Variants in ATP8B1 observed in about 807,000 individuals in gnomAD.
ATP8B1 encodes phospholipid-transporting ATPase IC.
A neutral mutation model predicts 149.9 loss-of-function variants in ATP8B1; 80 were observed. The ratio of observed to expected loss-of-function variants is 0.53; its 90% CI spans 0.45 to 0.64. The LOEUF (loss-of-function observed/expected upper bound fraction) is 0.64, where lower values mean the gene tolerates loss of function less well. Among genes scored for constraint, ATP8B1 ranks in the 30% least tolerant of loss-of-function variants. The probability of loss-of-function intolerance (pLI) is 0.00; values close to 1 mark genes in which losing one functional copy is unlikely to be tolerated. For synonymous variants in ATP8B1, 536 were observed against 562.8 expected, an observed-to-expected ratio of 0.95 and a Z score of 0.67; for missense variants, 1,247 against 1,552.6, an observed-to-expected ratio of 0.80 and a Z score of 3.31.
In ATP8B1 at chr18:57,650,500, G is replaced by A. The variant is rs758496915; in HGVS notation, c.3401-3C>T. The A allele has an allele frequency of 1.9e-6, 3 of 1,612,802 alleles. No individual in the cohort carries two copies. Among genetic ancestry groups the A allele is most frequent in the Non-Finnish European group, 8.5e-7 (1 of 1,179,142 alleles). On this transcript the variant is annotated splice_region_variant and splice_polypyrimidine_tract_variant and intron_variant, in intron 26 of 27. Transcript: ENST00000648908. Reference sequence around the variant, plus strand: ...TCTCAGAGCGTTTGAAGCTGTGCCTGTAAAGAACATGGCAAATGCATCACT... The same window carrying A: ...TCTCAGAGCGTTTGAAGCTGTGCCTATAAAGAACATGGCAAATGCATCACT...
At chr18:57,748,960 T>C (rs2079990979) in intron 1 of ATP8B1, among the ~76,000 whole-genome samples, 1 of 152,214 alleles carries the variant, frequency 6.6e-6, no homozygotes, top group South Asian at 2.1e-4. Flanking sequence ...TAGTCTGATT[T>C]GCATTTAAGA....
chr18:57,701,830 G>C (rs1380478674), intron 4 of ATP8B1, among the ~76,000 whole-genome samples: 1 of 151,886 alleles, frequency 6.6e-6, no homozygotes, highest in Non-Finnish European at 1.5e-5. Context: ...TGAGTAGCTG[G>C]GATTACAGGT....
intron 1 of ATP8B1, among the ~76,000 whole-genome samples, chr18:57,788,907 C>T (rs972434699): frequency 6.6e-6 from 1 of 152,168 alleles, no homozygotes; most frequent in African/African-American, 2.4e-5. Flanking sequence ...AAAAATATCA[C>T]AACACAGCCC....
intron 1 of ATP8B1, among the ~76,000 whole-genome samples, chr18:57,753,984 A>AAT (rs2080051838): frequency 6.6e-6 from 1 of 151,122 alleles, no homozygotes; most frequent in African/African-American, 2.4e-5. Flanking sequence ...GATACATCTG[A>AAT]ATATTTAATA....
chr18:57,794,451 A>C (rs904930819), intron 1 of ATP8B1, among the ~76,000 whole-genome samples: 1 of 147,170 alleles, frequency 6.8e-6, no homozygotes, highest in Non-Finnish European at 1.5e-5. Flanking sequence ...AAGGGGAAAA[A>C]CAACCTGACA....
chr18:57,690,080 T>G (rs1051310498), intron 12 of ATP8B1, among the ~76,000 whole-genome samples: 5 of 151,908 alleles, frequency 3.3e-5, no homozygotes, highest in African/African-American at 1.2e-4. Context: ...TAAGGAGATA[T>G]GAAGATCTCC....
intron 15 of ATP8B1, among the ~76,000 whole-genome samples, chr18:57,683,354 G>A (rs991130880): frequency 1.3e-5 from 2 of 152,204 alleles, no homozygotes; most frequent in African/African-American, 4.8e-5. Flanking sequence ...TAAAGTGCAT[G>A]TGTGTCTATA....
At chr18:57,786,681 A>T (rs1203702804) in intron 1 of ATP8B1, among the ~76,000 whole-genome samples, 1 of 152,210 alleles carries the variant, frequency 6.6e-6, no homozygotes, top group African/African-American at 2.4e-5. Flanking sequence ...AAAGACAAGG[A>T]ATCAGGAAAT....
chr18:57,733,672 C>T (rs558423061), intron 1 of ATP8B1, among the ~76,000 whole-genome samples: 2 of 144,670 alleles, frequency 1.4e-5, no homozygotes, highest in South Asian at 2.2e-4. Context: ...CGCCACTGCA[C>T]TCCAGCCCGG....
intron 1 of ATP8B1, among the ~76,000 whole-genome samples, chr18:57,768,386 CAAAAAAAAAA>C (rs145660399): frequency 1.5e-5 from 1 of 68,178 alleles, no homozygotes; most frequent in Admixed American, 2.1e-4. Flanking sequence ...GACCCTGTCT[CAAAAAAAAAA>C]AAAAAAAAAA....
At chr18:57,774,360 G>A (rs1476539844) in intron 1 of ATP8B1, among the ~76,000 whole-genome samples, 1 of 152,224 alleles carries the variant, frequency 6.6e-6, no homozygotes, top group Admixed American at 6.5e-5. Context: ...CACTTTGGGA[G>A]GCCAAGGCAG....
At chr18:57,759,659 AAAG>A (rs1377471412) in intron 1 of ATP8B1, among the ~76,000 whole-genome samples, 1 of 151,828 alleles carries the variant, frequency 6.6e-6, no homozygotes, top group African/African-American at 2.4e-5. Flanking sequence ...AATAAAAAAA[AAAG>A]AATTAGCCGG....
chr18:57,736,156 T>C (rs2079852464), intron 1 of ATP8B1, among the ~76,000 whole-genome samples: 1 of 152,148 alleles, frequency 6.6e-6, no homozygotes, highest in Admixed American at 6.5e-5. Flanking sequence ...CACGATCTCA[T>C]TCTTTTTTAT....
In ATP8B1 at chr18:57,691,879, T is replaced by C; in HGVS notation, c.1148A>G (p.Tyr383Cys). Residue 383 changes from tyrosine to cysteine, a missense_variant, in exon 12 of 28, where the codon TAC (tyrosine) becomes TGC (cysteine). Tyr to Cys is a radical substitution (Grantham distance 194). Around this residue, in one of 3 missense-constraint regions of ATP8B1, gnomAD observed 853 missense variants for 1,035.7 expected, o/e 0.82. Coordinates refer to ENST00000648908, the MANE Select transcript of ATP8B1 (RefSeq NM_001374385.1). ...LYDGEDDTPSYRGFLIFWGYI... is the reference protein window; with the variant it reads ...LYDGEDDTPSCRGFLIFWGYI... Reference sequence around the variant, plus strand: ...GCCCCAGAAAATGAGGAATCCACGGTAGGAGGGTGTATCGTCTTCTCCATC... The same window carrying C: ...GCCCCAGAAAATGAGGAATCCACGGCAGGAGGGTGTATCGTCTTCTCCATC... The C allele has an allele frequency of 1.2e-6, 2 of 1,614,150 alleles. No individual in the cohort carries two copies. Among genetic ancestry groups the C allele is most frequent in the Non-Finnish European group, 1.7e-6 (2 of 1,180,022 alleles).
chr18:57,793,230 C>T (rs1330269654), intron 1 of ATP8B1, among the ~76,000 whole-genome samples: 2 of 152,144 alleles, frequency 1.3e-5, no homozygotes, highest in African/African-American at 4.8e-5. Context: ...CCCATCTGTT[C>T]GGAAGTCCTG....
intron 22 of ATP8B1, among the ~76,000 whole-genome samples, chr18:57,658,627 TTGTGTGTGTGTGTG>T (rs71171058): frequency 4.5e-4 from 65 of 145,084 alleles, no homozygotes; most frequent in Middle Eastern, 3.5e-3. Flanking sequence ...AACAATTTCT[TTGTGTGTGTGTGTG>T]TGTGTGTGTG....
At chr18:57,764,397 CTT>C (rs1216631584) in intron 1 of ATP8B1, among the ~76,000 whole-genome samples, 3 of 137,106 alleles carry the variant, frequency 2.2e-5, no homozygotes, top group Admixed American at 7.7e-5. Flanking sequence ...CTCTTTCTCT[CTT>C]TCTTTCTTTC....
chr18:57,648,409 C>CA lies in ATP8B1; in HGVS notation c.*78dup. On this transcript the variant is annotated 3_prime_UTR_variant, in exon 28 of 28. Coordinates refer to ENST00000648908, the MANE Select transcript of ATP8B1 (RefSeq NM_001374385.1). Reference sequence around the variant, plus strand: ...ATCTTTGTGATGAATGCAATTCACACACACACACAAAGTCCTGAGAGTCTT... The same window carrying CA: ...ATCTTTGTGATGAATGCAATTCACACAACACACACAAAGTCCTGAGAGTCTT... The CA allele has an allele frequency of 6.8e-7, 1 of 1,469,622 alleles. No individual in the cohort carries two copies. Among genetic ancestry groups the CA allele is most frequent in the East Asian group, 2.3e-5 (1 of 44,190 alleles). 91.0% of individuals were successfully genotyped at this position (1,469,622 alleles called of 1,614,324 possible). A position where few individuals can be genotyped will look rare whatever the true frequency, so the allele number is the denominator to read the frequency against.
intron 2 of ATP8B1, among the ~76,000 whole-genome samples, chr18:57,714,827 T>G (rs947102584): frequency 6.6e-6 from 1 of 152,126 alleles, no homozygotes; most frequent in African/African-American, 2.4e-5. Flanking sequence ...GAAGGATGGG[T>G]ATAAACAAGC....
Sources: gnomAD v4.1 joint callset for allele counts (sites outside exome capture counted in the v4.1 genomes callset) on GRCh38, gnomAD v4.1.1 for gene constraint, gnomAD v4.1.1 regional missense constraint, MANE v1.5 for transcripts, NCBI Gene and HGNC (gene_info 2026-07-23, HGNC 2026-07-21) for gene names.